Variants in RIMBP2 observed in about 807,000 individuals in gnomAD.
RIMBP2 encodes RIMS-binding protein 2.
In RIMBP2, 48 loss-of-function variants were observed where a neutral mutation model predicts 118.6. That is an observed-to-expected ratio of 0.40 (90% confidence interval 0.32 to 0.51). The LOEUF is 0.51. RIMBP2 is among the 20% of genes least tolerant of loss of function. The pLI, the probability that RIMBP2 is intolerant of heterozygous loss-of-function variation, is 0.41. For missense variants in RIMBP2, 1,551 were observed against 1,768.3 expected (o/e 0.88, Z 2.20); for synonymous variants, 762 against 742.9 (o/e 1.03, Z -0.42).
chr12:130,503,398 AAGAAAAAACAAAAAAC>A (rs72144853), intron 4 of RIMBP2, among the ~76,000 whole-genome samples: 35,692 of 111,062 alleles, frequency 0.32, 4,643 homozygotes, highest in Non-Finnish European at 0.4. Context: ...TCCATCTAAA[AAGAAAAAACAAAAAAC>A]AAAAAAAACA....
intron 2 of RIMBP2, among the ~76,000 whole-genome samples, chr12:130,626,092 G>C (rs2061603232): frequency 6.6e-6 from 1 of 152,146 alleles, no homozygotes; most frequent in Non-Finnish European, 1.5e-5. Flanking sequence ...CCACCTCCAA[G>C]GATGCTGCCT....
At chr12:130,666,011 T>C (rs991935964) in intron 1 of RIMBP2, among the ~76,000 whole-genome samples, 4 of 152,136 alleles carry the variant, frequency 2.6e-5, no homozygotes, top group Non-Finnish European at 5.9e-5. Context: ...GACAGCAACT[T>C]GTAGATAAGA....
chr12:130,612,840 C>G (rs2060642673), intron 2 of RIMBP2, among the ~76,000 whole-genome samples: 1 of 152,164 alleles, frequency 6.6e-6, no homozygotes, highest in African/African-American at 2.4e-5. Context: ...CAGGGCTGAG[C>G]TGGGATCTGT....
chr12:130,569,425 G>C (rs1269375642), intron 2 of RIMBP2, among the ~76,000 whole-genome samples: 1 of 152,174 alleles, frequency 6.6e-6, no homozygotes, highest in Non-Finnish European at 1.5e-5. Context: ...AGTGACCCTT[G>C]AGAAAGCTGG....
chr12:130,590,857 C>T (rs1417963135), intron 2 of RIMBP2, among the ~76,000 whole-genome samples: 2 of 152,178 alleles, frequency 1.3e-5, no homozygotes, highest in Admixed American at 6.5e-5. Flanking sequence ...AGGTGTCACC[C>T]GGATGGCTGG....
intron 18 of RIMBP2, among the ~76,000 whole-genome samples, chr12:130,413,225 A>C (rs2075856148): frequency 6.6e-6 from 1 of 152,212 alleles, no homozygotes; most frequent in Non-Finnish European, 1.5e-5. Flanking sequence ...CTCAAATGCC[A>C]ACTGTCAGGA....
intron 14 of RIMBP2, among the ~76,000 whole-genome samples, chr12:130,432,441 C>T (rs892928546): frequency 2.6e-5 from 4 of 152,158 alleles, no homozygotes; most frequent in African/African-American, 9.7e-5. Flanking sequence ...GCAGGTGTTG[C>T]TGGCTCGACA....
chr12:130,634,729 C>T (rs542166867), intron 1 of RIMBP2, among the ~76,000 whole-genome samples: 3 of 152,194 alleles, frequency 2.0e-5, no homozygotes, highest in Admixed American at 6.5e-5. Context: ...GTAGCTGAGG[C>T]TACCAGTGCT....
At chr12:130,647,331 C>G (rs1260200670) in intron 1 of RIMBP2, among the ~76,000 whole-genome samples, 1 of 152,086 alleles carries the variant, frequency 6.6e-6, no homozygotes, top group Non-Finnish European at 1.5e-5. Flanking sequence ...CCACTGCACT[C>G]CAGCCTAGGT....
chr12:130,596,020 T>C (rs1341318097), intron 2 of RIMBP2, among the ~76,000 whole-genome samples: 1 of 152,234 alleles, frequency 6.6e-6, no homozygotes, highest in Non-Finnish European at 1.5e-5. Flanking sequence ...AGAAGTATGG[T>C]AGAAAGACAT....
chr12:130,537,720 C>A (rs368758305), intron 2 of RIMBP2, among the ~76,000 whole-genome samples: 1 of 152,172 alleles, frequency 6.6e-6, no homozygotes, highest in Non-Finnish European at 1.5e-5. Context: ...AGGAAACTCT[C>A]GTCCTATCAT....
At chr12:130,705,398 A>G (rs1170371888) in intron 1 of RIMBP2, among the ~76,000 whole-genome samples, 1 of 152,142 alleles carries the variant, frequency 6.6e-6, no homozygotes, top group Non-Finnish European at 1.5e-5. Context: ...TTCCTAACGC[A>G]TCTTTCACCT....
chr12:130,645,744 C>T (rs563835417), intron 1 of RIMBP2, among the ~76,000 whole-genome samples: 4 of 152,314 alleles, frequency 2.6e-5, no homozygotes, highest in South Asian at 4.1e-4. Flanking sequence ...CTGATCTCTT[C>T]CTTATCGCTG....
intron 1 of RIMBP2, among the ~76,000 whole-genome samples, chr12:130,700,941 G>A (rs562998208): frequency 3.3e-5 from 5 of 152,196 alleles, no homozygotes; most frequent in Non-Finnish European, 5.9e-5. Flanking sequence ...GCACCACTGT[G>A]TACAAGCACT....
chr12:130,659,041 G>A (rs187790460), intron 1 of RIMBP2, among the ~76,000 whole-genome samples: 65 of 140,900 alleles, frequency 4.6e-4, no homozygotes, highest in Non-Finnish European at 6.3e-4. Context: ...GGGACTCCCC[G>A]TAAATCATCT....
chr12:130,566,203 A>T (rs2057208731), intron 2 of RIMBP2, among the ~76,000 whole-genome samples: 2 of 151,516 alleles, frequency 1.3e-5, no homozygotes, highest in Admixed American at 6.6e-5. Flanking sequence ...ACACACACTC[A>T]CTCAACAGTC....
chr12:130,517,851 T>C lies in RIMBP2; in HGVS notation c.-150A>G, dbSNP rs1008936512. 2 of 985,570 alleles carry C rather than the reference T, an allele frequency of 2.0e-6. No homozygotes were observed. Among genetic ancestry groups the C allele is most frequent in the Admixed American group, 6.1e-5 (1 of 16,262 alleles). The allele number at this position is 985,570 out of a possible 1,614,324, so 61.1% of individuals were successfully genotyped here. A position where few individuals can be genotyped will look rare whatever the true frequency, so the allele number is the denominator to read the frequency against. On this transcript the variant is annotated 5_prime_UTR_variant, in exon 3 of 23. Coordinates refer to ENST00000690449, the MANE Select transcript of RIMBP2 (RefSeq NM_001393629.1). ...ACCTTGTCATGCTGCCGGGCCCTTG[T>C]GGGAAGGCCTGCATGATGGGATCTC...
intron 7 of RIMBP2, 50 bp from the exon 8 acceptor site, chr12:130,451,390 T>C: frequency 6.4e-7 from 1 of 1,559,968 alleles, no homozygotes; most frequent in Non-Finnish European, 8.7e-7. Flanking sequence ...AATAACATCG[T>C]CAAAGCACGT....
chr12:130,639,382 T>TGAA, intron 1 of RIMBP2, among the ~76,000 whole-genome samples: 1 of 39,098 alleles, frequency 2.6e-5, no homozygotes, highest in Non-Finnish European at 5.8e-5. Flanking sequence ...AAACTCCATC[T>TGAA]TAAAAAAAAA....
Sources: gnomAD v4.1 joint callset for allele counts (sites outside exome capture counted in the v4.1 genomes callset) on GRCh38, gnomAD v4.1.1 for gene constraint, MANE v1.5 for transcripts, NCBI Gene and HGNC (gene_info 2026-07-23, HGNC 2026-07-21) for gene names.